Variants in FAM81A observed in about 807,000 individuals in gnomAD.
The protein encoded by FAM81A is family with sequence similarity 81 member A.
A neutral mutation model predicts 46.7 loss-of-function variants in FAM81A; 19 were observed. That is an observed-to-expected ratio of 0.41 (90% confidence interval 0.28 to 0.60). The LOEUF (loss-of-function observed/expected upper bound fraction) is 0.60, where lower values mean the gene tolerates loss of function less well. Among genes scored for constraint, FAM81A ranks in the 20% least tolerant of loss-of-function variants. The probability of loss-of-function intolerance (pLI) is 0.34; values close to 1 mark genes in which losing one functional copy is unlikely to be tolerated. For synonymous variants in FAM81A, 183 were observed against 152.9 expected (o/e 1.20, Z -1.45); for missense variants, 377 against 453.5 (o/e 0.83, Z 1.53).
At chr15:59,476,755 A>C (rs1202306324) in intron 3 of FAM81A, among the ~76,000 whole-genome samples, 50 of 150,240 alleles carry the variant, frequency 3.3e-4, no homozygotes, top group African/African-American at 1.2e-3. Flanking sequence ...ATGCCACTGC[A>C]CTCCAGCCTG....
chr15:59,482,834 G>T (rs1392023620), intron 3 of FAM81A, among the ~76,000 whole-genome samples: 1 of 152,202 alleles, frequency 6.6e-6, no homozygotes, highest in Non-Finnish European at 1.5e-5. Context: ...GAGCTTGCCA[G>T]CGCCTTCTCA....
intron 4 of FAM81A, among the ~76,000 whole-genome samples, chr15:59,493,394 C>A (rs2082001825): frequency 1.3e-5 from 2 of 152,138 alleles, no homozygotes; most frequent in South Asian, 2.1e-4. Context: ...CTGTCCTCAT[C>A]AGGATGAACT....
intron 2 of FAM81A, among the ~76,000 whole-genome samples, chr15:59,425,997 A>T (rs1472264564): frequency 6.6e-6 from 1 of 152,210 alleles, no homozygotes; most frequent in South Asian, 2.1e-4. Flanking sequence ...AGTTATTAAA[A>T]TATATTTGGA....
chr15:59,490,237 A>G (rs1397813022), intron 3 of FAM81A, among the ~76,000 whole-genome samples: 1 of 152,208 alleles, frequency 6.6e-6, no homozygotes, highest in African/African-American at 2.4e-5. Flanking sequence ...CCTCAAGCAC[A>G]GGCAACCAAA....
chr15:59,514,300 C>T lies in FAM81A; in HGVS notation c.662C>T (p.Thr221Ile), dbSNP rs1489990077. ...LQLLDTKFKG[T>I]VEELSNQILS... is the part of the protein sequence containing the mutation. ...TTTTTTTTTTTTAGATTTAAAGGTA[C>T]AGTTGAGGAACTCAGTAACCAGATA... Residue 221 changes from threonine (T) to isoleucine (I), a missense_variant, in exon 7 of 9, where the codon ACA becomes ATA. Physicochemically the swap from Thr to Ile is moderately conservative, Grantham distance 89. Coordinates refer to ENST00000288228, the MANE Select transcript of FAM81A (RefSeq NM_152450.3). The T allele has an allele frequency of 2.5e-6, 4 of 1,590,914 alleles. No homozygotes were observed. Among genetic ancestry groups the T allele is most frequent in the Admixed American group, 1.9e-5 (1 of 53,616 alleles).
At chr15:59,474,642 C>T (rs564854006) in intron 3 of FAM81A, among the ~76,000 whole-genome samples, 1 of 152,146 alleles carries the variant, frequency 6.6e-6, no homozygotes, top group Non-Finnish European at 1.5e-5. Context: ...CAAACCTCAG[C>T]AAATACTTAT....
chr15:59,452,372 C>T (rs1419770744), intron 1 of FAM81A, among the ~76,000 whole-genome samples: 16 of 152,148 alleles, frequency 1.1e-4, no homozygotes, highest in African/African-American at 3.4e-4. Context: ...GTAGGCTGAG[C>T]GTAGTGGCTC....
intron 2 of FAM81A, among the ~76,000 whole-genome samples, chr15:59,431,730 A>G (rs2081221296): frequency 6.6e-6 from 1 of 152,230 alleles, no homozygotes; most frequent in South Asian, 2.1e-4. Context: ...GCCCAAGCAC[A>G]TACAGATAGT....
At chr15:59,414,475 A>T (rs1806684582) in intron 2 of FAM81A, among the ~76,000 whole-genome samples, 1 of 152,206 alleles carries the variant, frequency 6.6e-6, no homozygotes, top group Admixed American at 6.5e-5. Flanking sequence ...TGCCCTCTTC[A>T]CAGGGGAGAG....
intron 1 of FAM81A, among the ~76,000 whole-genome samples, chr15:59,448,375 T>C (rs2081374173): frequency 1.3e-5 from 2 of 152,044 alleles, no homozygotes; most frequent in Non-Finnish European, 2.9e-5. Context: ...AGACTCTGCC[T>C]GAAAAAAAAG....
At chr15:59,402,634 G>A (rs1294941248) in intron 2 of FAM81A, among the ~76,000 whole-genome samples, 2 of 151,306 alleles carry the variant, frequency 1.3e-5, no homozygotes, top group African/African-American at 2.4e-5. Context: ...TCTGCTTCCC[G>A]GGTTCAAGCG....
chr15:59,508,790 CT>C, intron 5 of FAM81A, 72 bp from the exon 6 acceptor site: 2 of 1,060,262 alleles, frequency 1.9e-6, no homozygotes, highest in Non-Finnish European at 2.8e-6. Flanking sequence ...TACAATATGG[CT>C]TACTAAATGT....
At chr15:59,436,548 A>T (rs1279768768), upstream of FAM81A, among the ~76,000 whole-genome samples, 1 of 152,116 alleles carries the variant, frequency 6.6e-6, no homozygotes, top group Admixed American at 6.5e-5. Context: ...AAATATTTTG[A>T]ACCTTTTTCT....
intron 2 of FAM81A, among the ~76,000 whole-genome samples, chr15:59,425,078 T>C (rs1266564817): frequency 6.6e-6 from 1 of 152,098 alleles, no homozygotes; most frequent in Non-Finnish European, 1.5e-5. Flanking sequence ...AGAGATGGGG[T>C]CTTGCTATGT....
intron 3 of FAM81A, among the ~76,000 whole-genome samples, chr15:59,475,853 A>G (rs772004384): frequency 3.3e-5 from 5 of 152,252 alleles, no homozygotes; most frequent in Non-Finnish European, 7.3e-5. Context: ...ATGCTTGATG[A>G]CAGATCAGAA....
intron 1 of FAM81A, chr15:59,444,369 A>G (rs1054630706): frequency 2.8e-4 from 43 of 152,286 alleles, no homozygotes; most frequent in African/African-American, 9.6e-4. Context: ...TTGAGAAGGC[A>G]TTTTCATGTT....
At chr15:59,416,506 T>C (rs372725287) in intron 2 of FAM81A, among the ~76,000 whole-genome samples, 51 of 152,190 alleles carry the variant, frequency 3.4e-4, no homozygotes, top group African/African-American at 1.2e-3. Flanking sequence ...GATGCGTCAT[T>C]TGAGGTGTCA....
At chr15:59,483,750 C>T (rs1302729279) in intron 3 of FAM81A, among the ~76,000 whole-genome samples, 1 of 152,180 alleles carries the variant, frequency 6.6e-6, no homozygotes, top group African/African-American at 2.4e-5. Context: ...GTTCCCAATC[C>T]AGGTGCTACC....
chr15:59,517,512 G>C lies in FAM81A; in HGVS notation c.982+672G>C, dbSNP rs182120736. Among the ~76,000 whole-genome samples, 536 of 152,290 alleles carry C rather than the reference G, an allele frequency of 3.5e-3. 1 individual carries two copies. The highest frequency in any genetic ancestry group is 6.0e-3 in the Non-Finnish European group (406 of 68,026). On this transcript the variant is annotated intron_variant, in intron 8 of 8. Coordinates refer to ENST00000288228, the MANE Select transcript of FAM81A (RefSeq NM_152450.3). ...TGTTACAGAAAATATTCAAGTAGAGGCTGGTTGATTGTGGTCAGGAAGAAG... is the reference window on the plus strand; with the variant it reads ...TGTTACAGAAAATATTCAAGTAGAGCCTGGTTGATTGTGGTCAGGAAGAAG...
Sources: allele counts gnomAD v4.1 joint callset (sites outside exome capture counted in the v4.1 genomes callset), GRCh38; gene constraint gnomAD v4.1.1; transcripts MANE v1.5; gene names NCBI Gene and HGNC (gene_info 2026-07-23, HGNC 2026-07-21).